IPPK: variants seen among roughly 807,000 people sequenced by gnomAD.
IPPK encodes the protein IPK1 homolog.
IPPK carries 22 observed loss-of-function variants against 64.6 expected under a neutral mutation model. That is an observed-to-expected ratio of 0.34 (90% CI 0.24 to 0.49). The LOEUF (loss-of-function observed/expected upper bound fraction) is 0.49. Ranked by LOEUF, IPPK falls within the 20% of genes least tolerant of loss-of-function variation. The pLI is 0.99. For synonymous variants in IPPK, 262 were observed against 247.2 expected (o/e 1.06, Z -0.56); for missense variants, 532 against 630.7 (o/e 0.84, Z 1.68).
intron 1 of IPPK, among the ~76,000 whole-genome samples, chr9:92,663,067 C>T (rs1361242408): frequency 1.3e-5 from 2 of 152,162 alleles, no homozygotes; most frequent in Non-Finnish European, 2.9e-5. Context: ...GGATTTTCTA[C>T]ATATTTGTGC....
At chr9:92,645,498 A>C (rs1852133835) in intron 6 of IPPK, among the ~76,000 whole-genome samples, 1 of 152,152 alleles carries the variant, frequency 6.6e-6, no homozygotes, top group Non-Finnish European at 1.5e-5. Context: ...GGCAGAAGAG[A>C]AAATGATTGA....
At chr9:92,619,052 C>T (rs933133095) in intron 12 of IPPK, 31 of 227,940 alleles carry the variant, frequency 1.4e-4, no homozygotes, top group Admixed American at 1.0e-4. Flanking sequence ...AATGAATGCG[C>T]GCCTCACAGG....
chr9:92,653,525 T>C (rs968634327), intron 3 of IPPK, among the ~76,000 whole-genome samples: 5 of 152,232 alleles, frequency 3.3e-5, no homozygotes, highest in Admixed American at 2.0e-4. Context: ...GGTGACACAA[T>C]GGACAAGAGT....
chr9:92,634,452 T>C lies in IPPK; in HGVS notation c.1104A>G (p.Ala368=), dbSNP rs749123813. The C allele has an allele frequency of 7.4e-6, 12 of 1,614,106 alleles. No individual in the cohort carries two copies. Among genetic ancestry groups the C allele is most frequent in the Non-Finnish European group, 9.3e-6 (11 of 1,179,944 alleles). The change falls in exon 11 of 13, where the codon GCA becomes GCG. Residue 368 remains alanine, a synonymous_variant. Coordinates refer to ENST00000287996, the MANE Select transcript of IPPK (RefSeq NM_022755.6). ...TLQIDGPYDE[A]FYQKLLDLST... is the part of the protein sequence containing the mutation. The stretch of plus-strand genomic sequence containing the variant: ...AAAGGTCAAGCAGCTTCTGGTAAAA[T>C]GCTTCATCATAAGGCCCATCTATTT...
At chr9:92,649,673 G>A in intron 4 of IPPK, 99 bp from the exon 5 acceptor site, 3 of 1,394,862 alleles carry the variant, frequency 2.2e-6, no homozygotes, top group Non-Finnish European at 3.0e-6. Context: ...GTTCCAGGGG[G>A]CATCTCTGTA....
intron 8 of IPPK, 81 bp downstream of exon 8, chr9:92,640,629 C>G (rs1852028674): frequency 2.1e-6 from 2 of 936,160 alleles, no homozygotes; most frequent in Admixed American, 3.4e-5. Context: ...TGCAGCCCAG[C>G]CCAACACCCT....
chr9:92,639,620 TGG>T (rs1852009232), intron 8 of IPPK, among the ~76,000 whole-genome samples: 1 of 152,140 alleles, frequency 6.6e-6, no homozygotes, highest in African/African-American at 2.4e-5. Flanking sequence ...GCAGGCCAGA[TGG>T]GGTCAGAAAA....
At chr9:92,634,551 G>T in intron 10 of IPPK, 63 bp from the exon 11 acceptor site, 1 of 1,150,848 alleles carries the variant, frequency 8.7e-7, no homozygotes, top group Non-Finnish European at 1.3e-6. Flanking sequence ...TTCTTAAACT[G>T]CTAACAGTCT....
At chr9:92,630,271 G>C (rs1016888536) in intron 11 of IPPK, among the ~76,000 whole-genome samples, 30 of 152,294 alleles carry the variant, frequency 2.0e-4, no homozygotes, top group African/African-American at 7.0e-4. Flanking sequence ...AGTGAAAGAA[G>C]CCAGCCACAA....
At chr9:92,652,465 AAAG>A in intron 4 of IPPK, 105 bp downstream of exon 4, 1 of 548,464 alleles carries the variant, frequency 1.8e-6, no homozygotes, top group Non-Finnish European at 3.1e-6. Context: ...AAAAAAAAAA[AAAG>A]GATTACTGAA....
rs1588322182 is a variant in IPPK at position 92,613,201 on chromosome 9, A to G, written c.*2631T>C. On this transcript the variant is annotated 3_prime_UTR_variant, in exon 13 of 13. Transcript: ENST00000287996. ...AAGATGCTGCGTGGAGGAACATGCA[A>G]TTTTATTCAATATAAACATTTGCTA... The G allele has an allele frequency of 3.7e-6, 6 of 1,608,516 alleles. No individual in the cohort carries two copies. In the African/African-American group the frequency reaches 4.0e-5, roughly 11 times the overall value.
chr9:92,656,701 C>G (rs1472286970), intron 2 of IPPK, 150 bp from the exon 3 acceptor site: 1 of 610,482 alleles, frequency 1.6e-6, no homozygotes, highest in East Asian at 2.8e-5. Flanking sequence ...CCCTCAGACC[C>G]AGGGGAAGGT....
intron 11 of IPPK, among the ~76,000 whole-genome samples, chr9:92,625,700 A>G (rs542525734): frequency 1.3e-5 from 2 of 152,334 alleles, no homozygotes; most frequent in South Asian, 4.1e-4. Flanking sequence ...GAGCTGTCCT[A>G]CAGTCCAGTG....
At chr9:92,636,509 T>C (rs1330649464) in intron 9 of IPPK, among the ~76,000 whole-genome samples, 11 of 151,736 alleles carry the variant, frequency 7.2e-5, no homozygotes. Context: ...GGCGTGGTAG[T>C]GCGTGTCGGT....
At chr9:92,669,170 A>C (rs1587650145) in intron 1 of IPPK, among the ~76,000 whole-genome samples, 1 of 147,662 alleles carries the variant, frequency 6.8e-6, no homozygotes, top group Non-Finnish European at 1.5e-5. Context: ...CGCCTCCCTC[A>C]CCCCCCTCCC....
chr9:92,658,637 CT>C lies in IPPK; in HGVS notation c.125del (p.Lys42ArgfsTer14). On this transcript the variant is annotated frameshift_variant, in exon 2 of 13. Coordinates refer to ENST00000287996, the MANE Select transcript of IPPK (RefSeq NM_022755.6). LOFTEE classifies it high-confidence loss of function. ...GGTGCAAACCCACCCATCTTACCTT[CT>C]TCCTATTTGGAGGAAACTTCAGAAA... ...LRFLKFPPNR[K>X]KTSEEIFQHL... The C allele has an allele frequency of 6.2e-7, 1 of 1,613,698 alleles. No individual in the cohort carries two copies. Among genetic ancestry groups the C allele is most frequent in the Non-Finnish European group, 8.5e-7 (1 of 1,179,572 alleles).
chr9:92,640,790 G>C lies in IPPK; in HGVS notation c.564-8C>G. ...TGCATTCTCTGTTTGTTTCTAAAAG[G>C]GAAAAGCATTAACATGCTTTAAATG... On this transcript the variant is annotated splice_region_variant and splice_polypyrimidine_tract_variant and intron_variant, in intron 7 of 12. Transcript: ENST00000287996. 1 of 1,603,296 alleles carries C rather than the reference G, an allele frequency of 6.2e-7. No homozygotes were observed. Among genetic ancestry groups the C allele is most frequent in the South Asian group, 1.1e-5 (1 of 90,878 alleles).
intron 1 of IPPK, among the ~76,000 whole-genome samples, chr9:92,659,282 G>A (rs1459376565): frequency 6.6e-6 from 1 of 152,184 alleles, no homozygotes; most frequent in Admixed American, 6.5e-5. Context: ...CTGGTCAGAG[G>A]ATTATGGGTC....
At chr9:92,654,033 C>T (rs1447643295) in intron 3 of IPPK, among the ~76,000 whole-genome samples, 1 of 152,178 alleles carries the variant, frequency 6.6e-6, no homozygotes, top group Non-Finnish European at 1.5e-5. Context: ...CCCCACAGCA[C>T]ATATGGCTGG....
Sources: gnomAD v4.1 joint callset for allele counts (sites outside exome capture counted in the v4.1 genomes callset) on GRCh38, gnomAD v4.1.1 for gene constraint, MANE v1.5 for transcripts, NCBI Gene and HGNC (gene_info 2026-07-23, HGNC 2026-07-21) for gene names.